Variants in CHSY3 observed in about 807,000 individuals in gnomAD.
CHSY3 encodes the protein chondroitin sulfate synthase 3, also known as N-acetylgalactosaminyl-proteoglycan 3-beta-glucuronosyltransferase 3.
Under a neutral mutation model 67.2 loss-of-function variants are expected in CHSY3, and 35 were observed. That is an observed-to-expected ratio of 0.52 (90% CI 0.40 to 0.69). The LOEUF is 0.69. CHSY3 is among the 30% of genes least tolerant of loss of function. The probability of loss-of-function intolerance (pLI) is 0.00; values close to 1 mark genes in which losing one functional copy is unlikely to be tolerated. For missense variants in CHSY3, 1,069 were observed against 1,138.5 expected, an observed-to-expected ratio of 0.94 and a Z score of 0.88; for synonymous variants, 474 against 434.7, an observed-to-expected ratio of 1.09 and a Z score of -1.12.
At chr5:130,066,010 AAAAT>A (rs1295289099) in intron 2 of CHSY3, among the ~76,000 whole-genome samples, 1 of 152,102 alleles carries the variant, frequency 6.6e-6, no homozygotes, top group Non-Finnish European at 1.5e-5. Context: ...TCTACCATGG[AAAAT>A]AATCCAAAAC....
chr5:130,167,797 GT>G, intron 2 of CHSY3, among the ~76,000 whole-genome samples: 1 of 152,036 alleles, frequency 6.6e-6, no homozygotes, highest in Non-Finnish European at 1.5e-5. Context: ...ACTGTTTAAA[GT>G]TTACTAAATA....
In CHSY3 at chr5:130,185,419, T is replaced by C. The variant is rs1176014888; in HGVS notation, c.2277T>C (p.Asn759=). 6.2e-7 allele frequency: 1 copy of C among 1,613,574 alleles called. No homozygotes were observed. Among genetic ancestry groups the C allele is most frequent in the Non-Finnish European group, 8.5e-7 (1 of 1,179,678 alleles). ...ACCCAAAGGTAACAAACGGGGGAAA[T>C]CCTCCCACTGATGATTACTTCATAT... ...QYDPKVTNGG[N]PPTDDYFIFS... The change falls in exon 3 of 3, where the codon AAT becomes AAC. Residue 759 remains asparagine (N), a synonymous_variant. Coordinates refer to ENST00000305031, the MANE Select transcript of CHSY3 (RefSeq NM_175856.5).
rs79075264 is a variant in CHSY3, at chr5:130,044,474, C to T, written c.1086+136114C>T. On this transcript the variant is annotated intron_variant, in intron 2 of 2. Transcript: ENST00000305031. ...GAGTGGTAGGAGAAACAGAGGAAAG[C>T]AGATGAAGTCAGTTTGGCTTTGAAA... Among the ~76,000 whole-genome samples the T allele has an allele frequency of 6.5e-3, 984 of 152,036 alleles. 23 individuals are homozygous for T. The highest frequency in any genetic ancestry group is 0.063 in the East Asian group (324 of 5,156).
intron 2 of CHSY3, among the ~76,000 whole-genome samples, chr5:129,979,220 A>G (rs1762904699): frequency 6.6e-6 from 1 of 150,520 alleles, no homozygotes; most frequent in Non-Finnish European, 1.5e-5. Context: ...AAAAAAAAAA[A>G]AAAAAGAAAG....
At chr5:130,149,821 A>T (rs1769181609) in intron 2 of CHSY3, among the ~76,000 whole-genome samples, 1 of 152,210 alleles carries the variant, frequency 6.6e-6, no homozygotes, top group Admixed American at 6.5e-5. Flanking sequence ...TCTGTATACA[A>T]GTTTCTTTAA....
At chr5:130,031,537 T>G (rs1249903333) in intron 2 of CHSY3, among the ~76,000 whole-genome samples, 1 of 152,168 alleles carries the variant, frequency 6.6e-6, no homozygotes, top group East Asian at 1.9e-4. Flanking sequence ...AACATTGCTT[T>G]GGCTAGTACA....
intron 2 of CHSY3, among the ~76,000 whole-genome samples, chr5:130,075,202 T>C (rs1380797708): frequency 6.6e-6 from 1 of 152,196 alleles, no homozygotes; most frequent in Non-Finnish European, 1.5e-5. Context: ...CTCATTATTC[T>C]CCTTGCTTTA....
At chr5:130,166,062 G>C (rs1769738072) in intron 2 of CHSY3, among the ~76,000 whole-genome samples, 1 of 152,128 alleles carries the variant, frequency 6.6e-6, no homozygotes, top group Non-Finnish European at 1.5e-5. Context: ...CCAAAACCTA[G>C]TGAGATTTGG....
At chr5:129,969,099 A>G (rs1193145218) in intron 2 of CHSY3, among the ~76,000 whole-genome samples, 3 of 151,872 alleles carry the variant, frequency 2.0e-5, no homozygotes, top group South Asian at 2.1e-4. Flanking sequence ...GCATTACTGT[A>G]TCTTTCAAAA....
At chr5:130,057,716 C>A (rs1223987640) in intron 2 of CHSY3, among the ~76,000 whole-genome samples, 1 of 152,102 alleles carries the variant, frequency 6.6e-6, no homozygotes, top group Admixed American at 6.5e-5. Flanking sequence ...TTCTCCATAC[C>A]TTCTCCAGTA....
intron 2 of CHSY3, among the ~76,000 whole-genome samples, chr5:130,018,770 G>A (rs1240440432): frequency 6.6e-6 from 1 of 152,178 alleles, no homozygotes; most frequent in Admixed American, 6.5e-5. Context: ...GATGTTGCCT[G>A]GTGGGAGGTT....
intron 2 of CHSY3, among the ~76,000 whole-genome samples, chr5:130,178,821 T>C (rs2149736416): frequency 6.6e-6 from 1 of 152,332 alleles, no homozygotes; most frequent in Non-Finnish European, 1.5e-5. Flanking sequence ...ATTACTTTTT[T>C]GCTCAGAGAG....
chr5:129,971,626 T>A (rs1762642892), intron 2 of CHSY3, among the ~76,000 whole-genome samples: 1 of 151,976 alleles, frequency 6.6e-6, no homozygotes, highest in African/African-American at 2.4e-5. Context: ...TGTCTAATGC[T>A]ATATTGTTAA....
In CHSY3 at chr5:129,904,766, AG is replaced by A; in HGVS notation, c.-63del. The A allele has an allele frequency of 7.7e-7, 1 of 1,298,794 alleles. No homozygotes were observed. The highest frequency in any genetic ancestry group is 1.5e-5 in the African/African-American group (1 of 64,928). The allele number at this position is 1,298,794 out of a possible 1,614,324, so 80.5% of individuals were successfully genotyped here. ...CAAAGGCGGAGGAGGGGCGGGTGTG[AG>A]CCGGGGAAACCGCGTGCCGCGCCGC... On this transcript the variant is annotated 5_prime_UTR_variant, in exon 1 of 3. Transcript: ENST00000305031.
At chr5:130,066,551 G>T (rs1315727864) in intron 2 of CHSY3, among the ~76,000 whole-genome samples, 1 of 152,058 alleles carries the variant, frequency 6.6e-6, no homozygotes, top group Non-Finnish European at 1.5e-5. Flanking sequence ...TACTCCAAGA[G>T]GATTTGAGAA....
At chr5:129,930,435 A>G (rs1045768594) in intron 2 of CHSY3, among the ~76,000 whole-genome samples, 5 of 148,622 alleles carry the variant, frequency 3.4e-5, no homozygotes, top group Non-Finnish European at 4.5e-5. Flanking sequence ...TATGAGTCAC[A>G]TAGAAGCTAA....
At chr5:130,104,856 ATGTATCATTT>A (rs1480257160) in intron 2 of CHSY3, among the ~76,000 whole-genome samples, 1 of 151,828 alleles carries the variant, frequency 6.6e-6, no homozygotes, top group African/African-American at 2.4e-5. Flanking sequence ...GACTAATTAA[ATGTATCATTT>A]AATTAGTGGT....
At chr5:130,089,509 A>T (rs942628054) in intron 2 of CHSY3, among the ~76,000 whole-genome samples, 4 of 152,174 alleles carry the variant, frequency 2.6e-5, no homozygotes, top group African/African-American at 9.6e-5. Context: ...GCTCATCAAT[A>T]GTTTCAATTG....
At chr5:129,942,840 G>C (rs1761738414) in intron 2 of CHSY3, among the ~76,000 whole-genome samples, 1 of 152,154 alleles carries the variant, frequency 6.6e-6, no homozygotes, top group Non-Finnish European at 1.5e-5. Context: ...CTTATGACAT[G>C]TTGCAAGTTG....
Sources: gnomAD v4.1 joint callset for allele counts (sites outside exome capture counted in the v4.1 genomes callset) on GRCh38, gnomAD v4.1.1 for gene constraint, MANE v1.5 for transcripts, NCBI Gene and HGNC (gene_info 2026-07-23, HGNC 2026-07-21) for gene names.